GATAD2A: variants seen among roughly 807,000 people sequenced by gnomAD.
The protein encoded by GATAD2A is GATA zinc finger domain containing 2A.
A neutral mutation model predicts 68.5 loss-of-function variants in GATAD2A; 12 were observed. The ratio of observed to expected loss-of-function variants is 0.18; its 90% confidence interval spans 0.11 to 0.28. GATAD2A has a LOEUF of 0.28. Among genes scored for constraint, GATAD2A ranks in the 10% least tolerant of loss-of-function variants. The pLI is 1.00. For synonymous variants in GATAD2A, 410 were observed against 375.3 expected (o/e 1.09, Z -1.07); for missense variants, 755 against 868.5 (o/e 0.87, Z 1.64).
chr19:19,417,403 A>C (rs1200786553), intron 1 of GATAD2A, among the ~76,000 whole-genome samples: 2 of 151,908 alleles, frequency 1.3e-5, no homozygotes, highest in Non-Finnish European at 2.9e-5. Context: ...TTACCCCCCC[A>C]CCCACTATTC....
chr19:19,488,923 C>A (rs927626356), intron 2 of GATAD2A, among the ~76,000 whole-genome samples: 1 of 152,272 alleles, frequency 6.6e-6, no homozygotes, highest in South Asian at 2.1e-4. Flanking sequence ...GAATGGCAGA[C>A]GCTGTCCCTG....
At chr19:19,435,730 G>A (rs1437742931) in intron 1 of GATAD2A, among the ~76,000 whole-genome samples, 2 of 152,114 alleles carry the variant, frequency 1.3e-5, no homozygotes, top group Admixed American at 1.3e-4. Flanking sequence ...GGTGCCTGTA[G>A]TCCCAGCTAC....
chr19:19,422,072 C>T (rs565889433), intron 1 of GATAD2A, among the ~76,000 whole-genome samples: 10 of 152,332 alleles, frequency 6.6e-5, no homozygotes, highest in African/African-American at 2.4e-4. Flanking sequence ...ATCTGTCCTC[C>T]TTGGCCTCCC....
At chr19:19,397,323 A>C (rs892421800) in intron 1 of GATAD2A, among the ~76,000 whole-genome samples, 24 of 151,014 alleles carry the variant, frequency 1.6e-4, no homozygotes, top group Non-Finnish European at 3.3e-4. Flanking sequence ...GCTTACCGCA[A>C]CCTCCGCCTC....
intron 11 of GATAD2A, among the ~76,000 whole-genome samples, chr19:19,502,885 AGCAAACATCTTTTTTCT>A (rs1488955033): frequency 6.6e-6 from 1 of 152,194 alleles, no homozygotes; most frequent in African/African-American, 2.4e-5. Flanking sequence ...TTTGTGCCGC[AGCAAACATCTTTTTTCT>A]GTCATTGTGC....
At chr19:19,487,571 T>G (rs553230532) in intron 2 of GATAD2A, among the ~76,000 whole-genome samples, 2 of 151,482 alleles carry the variant, frequency 1.3e-5, no homozygotes, top group African/African-American at 4.9e-5. Flanking sequence ...TGGGAAGCTC[T>G]GGGGGGTTTC....
At chr19:19,448,521 C>T (rs1328258801) in intron 1 of GATAD2A, among the ~76,000 whole-genome samples, 1 of 152,208 alleles carries the variant, frequency 6.6e-6, no homozygotes. Context: ...CGGAGTCTCT[C>T]TCTGTCTCCC....
rs536317633 is a variant in GATAD2A, at chr19:19,394,068, G to A, written c.-7+7930G>A. ...CGGCTGGCTAATTTTTTGTGTTTTA[G>A]TAGAGATGGGGGTTTCACCATGTTG... On this transcript the variant is annotated intron_variant, in intron 1 of 11. Coordinates refer to the GATAD2A transcript ENST00000360315. 5.7e-4 allele frequency among the ~76,000 whole-genome samples: 87 copies of A among 152,034 alleles called. 3 individuals carry two copies. The South Asian group carries it at 0.018, about 32-fold the overall frequency.
intron 1 of GATAD2A, among the ~76,000 whole-genome samples, chr19:19,413,949 A>G (rs1336205505): frequency 6.6e-6 from 1 of 152,046 alleles, no homozygotes; most frequent in East Asian, 1.9e-4. Context: ...TATGTGGGCC[A>G]TCTGTCTCCT....
At chr19:19,429,172 A>T (rs2053445484) in intron 1 of GATAD2A, 1 of 984,972 alleles carries the variant, frequency 1.0e-6, no homozygotes, top group Non-Finnish European at 1.2e-6. Context: ...TGGAGCATGG[A>T]GCCTTTGGGA....
rs373403046 is a variant in GATAD2A, at chr19:19,498,325, C to T, written c.925-118C>T. On this transcript the variant is annotated intron_variant, in intron 7 of 11. Coordinates refer to ENST00000683918, the MANE Select transcript of GATAD2A (RefSeq NM_001384528.1). ...TGGCTGGGTTCACTTTTGTTAAGGACGCCATCGTCAAGGGTACTGGTTAGT... is the reference window on the plus strand; with the variant it reads ...TGGCTGGGTTCACTTTTGTTAAGGATGCCATCGTCAAGGGTACTGGTTAGT... 889 of 888,896 alleles carry T rather than the reference C, an allele frequency of 1.0e-3. 13 individuals carry two copies. In the South Asian group the frequency reaches 0.014, roughly 14 times the overall value. 55.1% of individuals were successfully genotyped at this position (888,896 alleles called of 1,614,324 possible). A position where few individuals can be genotyped will look rare whatever the true frequency, so the allele number is the denominator to read the frequency against.
chr19:19,465,602 G>A lies in GATAD2A; in HGVS notation c.257G>A (p.Arg86His), dbSNP rs765001826. The A allele has an allele frequency of 1.4e-5, 22 of 1,608,696 alleles. No homozygotes were observed. Among genetic ancestry groups the A allele is most frequent in the African/African-American group, 5.3e-5 (4 of 74,864 alleles). Residue 86 changes from arginine (R) to histidine (H), a missense_variant, in exon 2 of 12, where the codon CGC becomes CAC. Transcript: ENST00000683918. Reference sequence around the variant, plus strand: ...GTGGGCGATGGGCCCGTGGACATGCGCACCTCACACAGGTGAGTGGGAGGA... The same window carrying A: ...GTGGGCGATGGGCCCGTGGACATGCACACCTCACACAGGTGAGTGGGAGGA... ...GLVGDGPVDMRTSHSDMKSER... is the reference protein window; with the variant it reads ...GLVGDGPVDMHTSHSDMKSER...
chr19:19,424,290 C>T (rs552216956), intron 1 of GATAD2A, among the ~76,000 whole-genome samples: 216 of 152,204 alleles, frequency 1.4e-3, no homozygotes, highest in Middle Eastern at 3.4e-3. Flanking sequence ...AGTGCAGTGG[C>T]GTGATATTGG....
At chr19:19,405,625 C>T (rs894328722), upstream of GATAD2A, among the ~76,000 whole-genome samples, 7 of 151,122 alleles carry the variant, frequency 4.6e-5, no homozygotes, top group African/African-American at 9.7e-5. Flanking sequence ...ACGCCTGGAA[C>T]CCCGCCCACG....
intron 2 of GATAD2A, among the ~76,000 whole-genome samples, chr19:19,484,601 C>T (rs1403485511): frequency 1.4e-5 from 2 of 140,026 alleles, no homozygotes; most frequent in Non-Finnish European, 3.0e-5. Context: ...GGCACGATCT[C>T]GGCTCCCTGC....
At chr19:19,405,260 A>C (rs1196337958), upstream of GATAD2A, among the ~76,000 whole-genome samples, 1 of 152,164 alleles carries the variant, frequency 6.6e-6, no homozygotes, top group East Asian at 1.9e-4. Flanking sequence ...CCGGGGCCGA[A>C]GTTCCCAGAG....
intron 7 of GATAD2A, among the ~76,000 whole-genome samples, chr19:19,496,584 GC>G (rs543652607): frequency 1.2e-4 from 19 of 152,224 alleles, no homozygotes; most frequent in Non-Finnish European, 2.6e-4. Flanking sequence ...CCGGTGATGG[GC>G]CCGGAGATGC....
intron 8 of GATAD2A, 80 bp from the exon 9 acceptor site, chr19:19,501,038 A>G: frequency 1.5e-6 from 2 of 1,291,582 alleles, no homozygotes; most frequent in Non-Finnish European, 2.2e-6. Context: ...CTGAGACTCC[A>G]GCATCCTGGG....
At chr19:19,429,263 A>T in intron 1 of GATAD2A, 1 of 982,180 alleles carries the variant, frequency 1.0e-6, no homozygotes, top group Non-Finnish European at 1.2e-6. Context: ...TGGGGGGGAG[A>T]GCTTGCCTGA....
Sources: allele counts gnomAD v4.1 joint callset (sites outside exome capture counted in the v4.1 genomes callset), GRCh38; gene constraint gnomAD v4.1.1; transcripts MANE v1.5; gene names NCBI Gene and HGNC (gene_info 2026-07-23, HGNC 2026-07-21).